The following TRMT1L variants were observed in gnomAD, a reference collection of about 807,000 sequenced individuals.
TRMT1L encodes the protein tRNA methyltransferase 1L, also known as tRNA (guanine(27)-N(2))-dimethyltransferase.
A neutral mutation model predicts 81.6 loss-of-function variants in TRMT1L; 28 were observed. The ratio of observed to expected loss-of-function variants is 0.34; its 90% CI spans 0.25 to 0.47. The LOEUF is 0.47. TRMT1L is among the 20% of genes least tolerant of loss of function. TRMT1L has a pLI of 1.00. For synonymous variants in TRMT1L, 301 were observed against 303.2 expected, an observed-to-expected ratio of 0.99 and a Z score of 0.07; for missense variants, 739 against 877.1, an observed-to-expected ratio of 0.84 and a Z score of 1.99.
intron 9 of TRMT1L, among the ~76,000 whole-genome samples, chr1:185,138,836 G>A (rs1251797341): frequency 6.6e-6 from 1 of 152,170 alleles, no homozygotes; most frequent in Non-Finnish European, 1.5e-5. Flanking sequence ...GCCCAGGCTG[G>A]AGTGCAGTGG....
chr1:185,130,660 C>T lies in TRMT1L; in HGVS notation c.1514-1913G>A, dbSNP rs1652747029. Among the ~76,000 whole-genome samples, 3 of 152,262 alleles carry T rather than the reference C, an allele frequency of 2.0e-5. No individual in the cohort carries two copies. The South Asian group carries it at 6.2e-4, about 32-fold the overall frequency. On this transcript the variant is annotated intron_variant, in intron 10 of 14. Coordinates refer to ENST00000367506, the MANE Select transcript of TRMT1L (RefSeq NM_030934.5). ...TTTTTAAAGGGTTCAATTAAAACTCCAGATCTTCTCTAATACAATCAAGCG... is the reference window on the plus strand; with the variant it reads ...TTTTTAAAGGGTTCAATTAAAACTCTAGATCTTCTCTAATACAATCAAGCG...
At chr1:185,156,239 C>T (rs1653550619) in intron 1 of TRMT1L, among the ~76,000 whole-genome samples, 1 of 152,230 alleles carries the variant, frequency 6.6e-6, no homozygotes, top group African/African-American at 2.4e-5. Context: ...TTCCTTCTAT[C>T]TGCAGCATTC....
intron 6 of TRMT1L, 93 bp downstream of exon 6, chr1:185,143,813 C>T: frequency 1.8e-6 from 2 of 1,136,164 alleles, no homozygotes; most frequent in Non-Finnish European, 2.4e-6. Context: ...GCACCTAGTT[C>T]TAAATTTTAA....
At chr1:185,133,906 C>G (rs1652833813) in intron 10 of TRMT1L, among the ~76,000 whole-genome samples, 1 of 152,084 alleles carries the variant, frequency 6.6e-6, no homozygotes, top group African/African-American at 2.4e-5. Flanking sequence ...CAATAGACAG[C>G]AAATAAAATT....
intron 13 of TRMT1L, 80 bp downstream of exon 13, chr1:185,123,777 A>G (rs1652554107): frequency 2.4e-6 from 2 of 817,570 alleles, no homozygotes; most frequent in East Asian, 3.2e-5. Context: ...TACCATGGCA[A>G]TCTCTTCTCT....
intron 13 of TRMT1L, among the ~76,000 whole-genome samples, chr1:185,122,668 T>A (rs1473485405): frequency 6.6e-6 from 1 of 150,968 alleles, no homozygotes; most frequent in Admixed American, 6.6e-5. Flanking sequence ...CATAGGATAA[T>A]ACTCTTAAAT....
chr1:185,138,402 C>T (rs1293779828), intron 9 of TRMT1L, among the ~76,000 whole-genome samples: 1 of 152,072 alleles, frequency 6.6e-6, no homozygotes, highest in Non-Finnish European at 1.5e-5. Flanking sequence ...AGCATGCATA[C>T]AGTAAACATC....
At chr1:185,144,823 C>T (rs1363741057) in intron 5 of TRMT1L, among the ~76,000 whole-genome samples, 1 of 151,784 alleles carries the variant, frequency 6.6e-6, no homozygotes, top group East Asian at 1.9e-4. Context: ...CGTGAGGAGG[C>T]ATGTTGCATA....
At chr1:185,144,079 A>T in intron 5 of TRMT1L, 50 bp from the exon 6 acceptor site, 1 of 1,512,490 alleles carries the variant, frequency 6.6e-7, no homozygotes, top group South Asian at 1.3e-5. Flanking sequence ...AATAATTCTA[A>T]ACAAAAGATT....
chr1:185,124,033 A>C, intron 12 of TRMT1L, 114 bp from the exon 13 acceptor site: 1 of 598,486 alleles, frequency 1.7e-6, no homozygotes. Flanking sequence ...ACGAATATGC[A>C]AGAGATTCTG....
chr1:185,147,859 T>G (rs1653231282), intron 3 of TRMT1L, among the ~76,000 whole-genome samples: 1 of 152,196 alleles, frequency 6.6e-6, no homozygotes, highest in Non-Finnish European at 1.5e-5. Flanking sequence ...AAGAGCCAGA[T>G]TCCTATTTCT....
rs143714015 is a variant in TRMT1L, at chr1:185,121,675, G to C, written c.1823-1166C>G. Among the ~76,000 whole-genome samples the C allele has an allele frequency of 2.3e-3, 345 of 152,042 alleles. 1 individual carries two copies. Among genetic ancestry groups the C allele is most frequent in the African/African-American group, 8.0e-3 (334 of 41,500 alleles). The stretch of plus-strand genomic sequence containing the variant: ...GGATAGATATCCAGATTTAGTACAA[G>C]TTCTAGGAGCATCTGAGGCAAAAAA... On this transcript the variant is annotated intron_variant, in intron 13 of 14. Coordinates refer to ENST00000367506, the MANE Select transcript of TRMT1L (RefSeq NM_030934.5).
chr1:185,138,570 T>C (rs781750606), intron 9 of TRMT1L, among the ~76,000 whole-genome samples: 4 of 152,158 alleles, frequency 2.6e-5, no homozygotes, highest in African/African-American at 4.8e-5. Context: ...CAATATCCGT[T>C]TATATTATAT....
chr1:185,129,874 A>G (rs1320715783), intron 10 of TRMT1L, among the ~76,000 whole-genome samples: 1 of 152,222 alleles, frequency 6.6e-6, no homozygotes, highest in Non-Finnish European at 1.5e-5. Flanking sequence ...TTCCTCAAAT[A>G]TGAGTATACT....
At position 185,156,875 on chromosome 1, in the gene TRMT1L, A is replaced by AT; in HGVS notation, c.-164_-163insA. Reference sequence around the variant, plus strand: ...GACAAAAGATGAAGAACCAGTGACCAAATCCTGTTAGTAGAAAACAGAAAG... The same window carrying AT: ...GACAAAAGATGAAGAACCAGTGACCATAATCCTGTTAGTAGAAAACAGAAAG... On this transcript the variant is annotated 5_prime_UTR_variant, in exon 1 of 15. The change creates a new upstream start codon in the 5' untranslated region. Coordinates refer to ENST00000367506, the MANE Select transcript of TRMT1L (RefSeq NM_030934.5). 2 of 955,972 alleles carry AT rather than the reference A, an allele frequency of 2.1e-6. No homozygotes were observed. The highest frequency in any genetic ancestry group is 3.0e-6 in the Non-Finnish European group (2 of 671,584). The allele number at this position is 955,972 out of a possible 1,614,324, so 59.2% of individuals were successfully genotyped here.
At chr1:185,137,900 G>A (rs913000664) in intron 9 of TRMT1L, 104 bp from the exon 10 acceptor site, 2 of 1,102,620 alleles carry the variant, frequency 1.8e-6, no homozygotes, top group Non-Finnish European at 2.5e-6. Context: ...ATAAGTTATG[G>A]GACATCAAGA....
In TRMT1L at chr1:185,119,391, G is replaced by C. The variant is rs142751535; in HGVS notation, c.*628C>G. ...TGACAAAATCTTACTTTGAAGTTTA[G>C]TCATTTAGACCTTAAAGTTACAAAA... On this transcript the variant is annotated 3_prime_UTR_variant, in exon 15 of 15. Coordinates refer to ENST00000367506, the MANE Select transcript of TRMT1L (RefSeq NM_030934.5). 1.3e-5 allele frequency: 2 copies of C among 152,216 alleles called. No individual in the cohort carries two copies. The highest frequency in any genetic ancestry group is 4.8e-5 in the African/African-American group (2 of 41,540). 9.4% of individuals were successfully genotyped at this position (152,216 alleles called of 1,614,324 possible). A position where few individuals can be genotyped will look rare whatever the true frequency, so the allele number is the denominator to read the frequency against.
chr1:185,135,321 C>G (rs1652869184), intron 10 of TRMT1L, among the ~76,000 whole-genome samples: 1 of 150,474 alleles, frequency 6.6e-6, no homozygotes, highest in Admixed American at 6.7e-5. Context: ...GAGGCTGAGG[C>G]AGGAGAATTG....
chr1:185,130,621 G>A (rs934816618), intron 10 of TRMT1L, among the ~76,000 whole-genome samples: 2 of 152,142 alleles, frequency 1.3e-5, no homozygotes, highest in Non-Finnish European at 2.9e-5. Flanking sequence ...GCAAATAAGA[G>A]GTCTGGTTAC....
Sources: gnomAD v4.1 joint callset for allele counts (sites outside exome capture counted in the v4.1 genomes callset) on GRCh38, gnomAD v4.1.1 for gene constraint, MANE v1.5 for transcripts, NCBI Gene and HGNC (gene_info 2026-07-23, HGNC 2026-07-21) for gene names.